The following KCNQ1 variants were observed in gnomAD, a reference collection of about 807,000 sequenced individuals.
The protein encoded by KCNQ1 is potassium voltage-gated channel subfamily Q member 1, also known as potassium voltage-gated channel subfamily KQT member 1.
Under a neutral mutation model 72.4 loss-of-function variants are expected in KCNQ1, and 49 were observed. The observed-to-expected ratio is 0.68, with a 90% CI of 0.54 to 0.86. The LOEUF (loss-of-function observed/expected upper bound fraction) is 0.86, where lower values mean the gene tolerates loss of function less well. Among genes scored for constraint, KCNQ1 ranks in the 40% least tolerant of loss-of-function variants. KCNQ1 has a pLI of 0.00. For synonymous variants in KCNQ1, 450 were observed against 412.6 expected (o/e 1.09, Z -1.10); for missense variants, 790 against 945.1 (o/e 0.84, Z 2.15).
rs2133873153 is a variant in KCNQ1, at chr11:2,674,967, T to G, written c.1514+12886T>G. On this transcript the variant is annotated intron_variant, in intron 11 of 15. Transcript: ENST00000155840. This position sits in a 1 kb window ranked among gnomAD's most constrained non-coding sequence, Gnocchi z 5.9. The stretch of plus-strand genomic sequence containing the variant: ...TGGGGCTGACTGGAGCTGTTTCTCT[T>G]CGTTTCCTCTTACAGTGGCGGGCAC... The G allele has an allele frequency of 2.5e-6, 1 of 398,472 alleles. No homozygotes were observed. Among genetic ancestry groups the G allele is most frequent in the South Asian group, 1.3e-4 (1 of 7,848 alleles). 24.7% of individuals were successfully genotyped at this position (398,472 alleles called of 1,614,324 possible).
chr11:2,574,917 G>T (rs1047193274), intron 6 of KCNQ1, among the ~76,000 whole-genome samples: 1 of 152,184 alleles, frequency 6.6e-6, no homozygotes, highest in Admixed American at 6.5e-5. Context: ...GCAGGGCCCA[G>T]CCCCCCTGCG....
intron 1 of KCNQ1, among the ~76,000 whole-genome samples, chr11:2,523,385 A>AGAC (rs1312139709): frequency 6.6e-6 from 1 of 152,118 alleles, no homozygotes; most frequent in Non-Finnish European, 1.5e-5. Flanking sequence ...TTTTTAGTAG[A>AGAC]GACGGGGTTT....
At position 2,593,260 on chromosome 11, in the gene KCNQ1, C is replaced by T. The variant is rs1356683034; in HGVS notation, c.1393+4406C>T. Among the ~76,000 whole-genome samples, 1 of 152,178 alleles carries T rather than the reference C, an allele frequency of 6.6e-6. No individual in the cohort carries two copies. The highest frequency in any genetic ancestry group is 1.5e-5 in the Non-Finnish European group (1 of 68,032). On this transcript the variant is annotated intron_variant, in intron 10 of 15. Coordinates refer to ENST00000155840, the MANE Select transcript of KCNQ1 (RefSeq NM_000218.3). The surrounding 1 kb of genome is among the most constrained non-coding windows in gnomAD (Gnocchi z 6.9). Reference sequence around the variant, plus strand: ...GGCCTCCTGAATGCCCCTAGGAGGCCAGAGGAGACTTCCCCAAATTCACTG... The same window carrying T: ...GGCCTCCTGAATGCCCCTAGGAGGCTAGAGGAGACTTCCCCAAATTCACTG...
intron 15 of KCNQ1, among the ~76,000 whole-genome samples, chr11:2,829,654 TTCTCTTCCATG>T (rs1355426527): frequency 6.6e-6 from 1 of 151,902 alleles, no homozygotes; most frequent in African/African-American, 2.4e-5. Flanking sequence ...TCTTGATCAC[TTCTCTTCCATG>T]TTAGGCAGTC....
intron 1 of KCNQ1, among the ~76,000 whole-genome samples, chr11:2,467,488 G>A (rs1846368996): frequency 6.6e-6 from 1 of 152,184 alleles, no homozygotes. Flanking sequence ...GAAGCCACCA[G>A]GAGACAGATA....
intron 11 of KCNQ1, chr11:2,667,707 T>C (rs570042364): frequency 1.8e-5 from 7 of 398,694 alleles, no homozygotes; most frequent in Non-Finnish European, 3.1e-5. Flanking sequence ...AGTCAGGAAG[T>C]CTGGAAGCCG....
chr11:2,649,409 G>C (rs1048386385), intron 10 of KCNQ1: 1 of 398,294 alleles, frequency 2.5e-6, no homozygotes, highest in Non-Finnish European at 4.4e-6. Flanking sequence ...CATGATGGTA[G>C]ATATCATCCT....
chr11:2,445,483 G>C lies in KCNQ1; in HGVS notation c.385G>C (p.Val129Leu). The C allele has an allele frequency of 1.9e-6, 3 of 1,594,530 alleles. No individual in the cohort carries two copies. Among genetic ancestry groups the C allele is most frequent in the Non-Finnish European group, 2.5e-6 (3 of 1,178,584 alleles). The change falls in exon 1 of 16, where the codon GTC (valine) becomes CTC (leucine). Residue 129 changes from valine (V) to leucine (L), a missense_variant and splice_region_variant. Coordinates refer to ENST00000155840, the MANE Select transcript of KCNQ1 (RefSeq NM_000218.3). ...GAAATGCTTCGTTTACCACTTCGCC[G>C]TGTGAGTATCGCCACCGGCGACGGC... ...GWKCFVYHFA[V>L]FLIVLVCLIF...
At chr11:2,485,204 T>A (rs761499954) in intron 1 of KCNQ1, among the ~76,000 whole-genome samples, 1 of 152,238 alleles carries the variant, frequency 6.6e-6, no homozygotes, top group Non-Finnish European at 1.5e-5. Context: ...TATTCCATTT[T>A]GGGTGTCCCC....
chr11:2,449,751 GC>G (rs999641077), intron 1 of KCNQ1, among the ~76,000 whole-genome samples: 21 of 152,132 alleles, frequency 1.4e-4, no homozygotes, highest in Admixed American at 1.1e-3. Flanking sequence ...GGTGGCTGAT[GC>G]CCCCGTTTTT....
rs1346185025 is a variant in KCNQ1, at chr11:2,458,577, A to G, written c.386+13093A>G. Among the ~76,000 whole-genome samples the G allele has an allele frequency of 3.3e-5, 5 of 151,184 alleles. No individual in the cohort carries two copies. Among genetic ancestry groups the G allele is most frequent in the Non-Finnish European group, 5.9e-5 (4 of 67,854 alleles). ...TCACAGCTGCCAACCTCTCCAAAGC[A>G]GTAAAGGCCTTCGGACAGTGCACAG... is the stretch of plus-strand genomic sequence containing the variant. On this transcript the variant is annotated intron_variant, in intron 1 of 15. Coordinates refer to ENST00000155840, the MANE Select transcript of KCNQ1 (RefSeq NM_000218.3). The surrounding 1 kb of genome is among the most constrained non-coding windows in gnomAD (Gnocchi z 4.6).
In KCNQ1 at chr11:2,612,500, T is replaced by G. The variant is rs1298475619; in HGVS notation, c.1393+23646T>G. 2.5e-6 allele frequency: 1 copy of G among 398,066 alleles called. No individual in the cohort carries two copies. The highest frequency in any genetic ancestry group is 4.4e-6 in the Non-Finnish European group (1 of 226,064). 24.7% of individuals were successfully genotyped at this position (398,066 alleles called of 1,614,324 possible). A position where few individuals can be genotyped will look rare whatever the true frequency, so the allele number is the denominator to read the frequency against. On this transcript the variant is annotated intron_variant, in intron 10 of 15. Coordinates refer to ENST00000155840, the MANE Select transcript of KCNQ1 (RefSeq NM_000218.3). This position sits in a 1 kb window ranked among gnomAD's most constrained non-coding sequence, Gnocchi z 5.5. ...GATCTGCGTTGAAGTTCATTGATTCTTTCTTCTGCCAGGTCAAATTTGCTT... is the reference window on the plus strand; with the variant it reads ...GATCTGCGTTGAAGTTCATTGATTCGTTCTTCTGCCAGGTCAAATTTGCTT...
intron 10 of KCNQ1, chr11:2,631,266 T>A: frequency 2.5e-6 from 1 of 398,534 alleles, no homozygotes. Context: ...AAACTTCCCT[T>A]GTTACCTTTT....
chr11:2,590,998 C>T (rs1848663603), intron 10 of KCNQ1, among the ~76,000 whole-genome samples: 1 of 152,254 alleles, frequency 6.6e-6, no homozygotes, highest in South Asian at 2.1e-4. Flanking sequence ...ATTCCCTTCT[C>T]AGCAGCCGTC....
intron 1 of KCNQ1, among the ~76,000 whole-genome samples, chr11:2,519,295 G>T (rs1349221435): frequency 1.3e-5 from 2 of 152,258 alleles, no homozygotes; most frequent in African/African-American, 4.8e-5. Flanking sequence ...GTGATGCCCT[G>T]TGGGCTGAAT....
In KCNQ1 at chr11:2,698,802, C is replaced by T. The variant is rs1291487117; in HGVS notation, c.1514+36721C>T. On this transcript the variant is annotated intron_variant, in intron 11 of 15. Transcript: ENST00000155840. The surrounding 1 kb of genome is among the most constrained non-coding windows in gnomAD (Gnocchi z 5.1). ...GATTCAGGTCCCCAACTCAGACTCC[C>T]GATCCTCTGTCCCTAATGAGGCCCT... is the stretch of plus-strand genomic sequence containing the variant. 1 of 398,802 alleles carries T rather than the reference C, an allele frequency of 2.5e-6. No homozygotes were observed. Among genetic ancestry groups the T allele is most frequent in the Admixed American group, 4.4e-5 (1 of 22,732 alleles). 24.7% of individuals were successfully genotyped at this position (398,802 alleles called of 1,614,324 possible). A position where few individuals can be genotyped will look rare whatever the true frequency, so the allele number is the denominator to read the frequency against.
rs1846069713 is a variant in KCNQ1 at position 2,742,358 on chromosome 11, T to G, written c.1515-26486T>G. Among the ~76,000 whole-genome samples, 3 of 152,190 alleles carry G rather than the reference T, an allele frequency of 2.0e-5. No individual in the cohort carries two copies. In the South Asian group the frequency reaches 6.2e-4, roughly 31 times the overall value. Reference sequence around the variant, plus strand: ...AGAGGCATCAGGCGGCCTCAGGCCCTCAAGCCGGTCCCCATGTGCCCATTT... The same window carrying G: ...AGAGGCATCAGGCGGCCTCAGGCCCGCAAGCCGGTCCCCATGTGCCCATTT... On this transcript the variant is annotated intron_variant, in intron 11 of 15. Coordinates refer to ENST00000155840, the MANE Select transcript of KCNQ1 (RefSeq NM_000218.3).
intron 10 of KCNQ1, chr11:2,615,529 T>G (rs1849046428): frequency 5.0e-6 from 2 of 397,954 alleles, no homozygotes; most frequent in African/African-American, 2.1e-5. Flanking sequence ...AGTATATTAG[T>G]TGTGGATTTT....
At chr11:2,643,028 T>C (rs1431102112) in intron 10 of KCNQ1, 4 of 397,890 alleles carry the variant, frequency 1.0e-5, no homozygotes, top group Non-Finnish European at 1.8e-5. Context: ...ATATGTGATA[T>C]GAATCCAATT....
Sources: gnomAD v4.1 joint callset for allele counts (sites outside exome capture counted in the v4.1 genomes callset) on GRCh38, gnomAD v4.1.1 for gene constraint, Gnocchi (gnomAD v3.1) non-coding constraint, MANE v1.5 for transcripts, NCBI Gene and HGNC (gene_info 2026-07-23, HGNC 2026-07-21) for gene names.